NXPE2: variants seen among roughly 807,000 people sequenced by gnomAD.
The protein encoded by NXPE2 is NXPE family member 2.
In NXPE2, 34 loss-of-function variants were observed where a neutral mutation model predicts 34.4. The observed-to-expected ratio is 0.99, with a 90% CI of 0.75 to 1.31. The LOEUF (loss-of-function observed/expected upper bound fraction) is 1.31. NXPE2 is among the 40% of genes most tolerant of loss of function. The probability of loss-of-function intolerance (pLI) is 0.00; values close to 1 mark genes in which losing one functional copy is unlikely to be tolerated. For missense variants in NXPE2, 649 were observed against 672.5 expected, an observed-to-expected ratio of 0.97 and a Z score of 0.39; for synonymous variants, 235 against 231.3, an observed-to-expected ratio of 1.02 and a Z score of -0.15.
the NXPE2 span, among the ~76,000 whole-genome samples, chr11:114,507,807 G>A: frequency 1.3e-5 from 2 of 151,668 alleles, no homozygotes; most frequent in Non-Finnish European, 2.9e-5. Context: ...GCAAAAGCTG[G>A]AAGCATTCCC....
At chr11:114,561,085 CT>C in the NXPE2 span, among the ~76,000 whole-genome samples, 3 of 152,138 alleles carry the variant, frequency 2.0e-5, no homozygotes, top group Admixed American at 1.3e-4. Flanking sequence ...ATAAATCTAA[CT>C]TCATCTCTCT....
chr11:114,756,475 A>G, the NXPE2 span, among the ~76,000 whole-genome samples: 2 of 152,182 alleles, frequency 1.3e-5, no homozygotes, highest in Non-Finnish European at 2.9e-5. Flanking sequence ...ATCATACTTA[A>G]TTTTGACATC....
chr11:114,650,669 A>G, the NXPE2 span, among the ~76,000 whole-genome samples: 2 of 152,174 alleles, frequency 1.3e-5, no homozygotes. Flanking sequence ...ATATATGCTG[A>G]TATCAAGCAG....
At chr11:114,659,123 C>A in the NXPE2 span, among the ~76,000 whole-genome samples, 2 of 152,192 alleles carry the variant, frequency 1.3e-5, no homozygotes, top group Non-Finnish European at 2.9e-5. Flanking sequence ...CTCCTCCCTA[C>A]CTCATGGCTC....
the NXPE2 span, among the ~76,000 whole-genome samples, chr11:114,639,729 T>C: frequency 8.1e-6 from 1 of 123,494 alleles, no homozygotes; most frequent in Non-Finnish European, 1.6e-5. Flanking sequence ...TATAGTAATA[T>C]AATATAAAAT....
the NXPE2 span, chr11:114,527,794 A>G: frequency 7.2e-7 from 1 of 1,394,562 alleles, no homozygotes; most frequent in Non-Finnish European, 9.9e-7. Flanking sequence ...AATGCTGATA[A>G]AAGTTTCCTC....
At chr11:114,666,087 T>C in the NXPE2 span, among the ~76,000 whole-genome samples, 1 of 152,094 alleles carries the variant, frequency 6.6e-6, no homozygotes, top group Admixed American at 6.6e-5. Flanking sequence ...TAGTGCACAT[T>C]TTCCCAGACT....
At chr11:114,701,583 T>C (rs916767552) in intron 3 of NXPE2, among the ~76,000 whole-genome samples, 8 of 152,170 alleles carry the variant, frequency 5.3e-5, no homozygotes, top group South Asian at 2.1e-4. Context: ...TCCCTACAGG[T>C]GATGTAGTGC....
the NXPE2 span, among the ~76,000 whole-genome samples, chr11:114,803,419 A>T: frequency 6.6e-6 from 1 of 152,232 alleles, no homozygotes; most frequent in Non-Finnish European, 1.5e-5. Flanking sequence ...TGGGTAACTT[A>T]TAAACAGCAG....
the NXPE2 span, chr11:114,584,197 G>A: frequency 2.8e-6 from 1 of 358,658 alleles, no homozygotes; most frequent in African/African-American, 2.2e-5. Context: ...CTGGAAATAA[G>A]AAAGAGCTGT....
chr11:114,516,041 CAAG>C, the NXPE2 span, among the ~76,000 whole-genome samples: 1 of 152,154 alleles, frequency 6.6e-6, no homozygotes, highest in East Asian at 1.9e-4. Context: ...GGCAATTAAG[CAAG>C]AAGATGTTAA....
At chr11:114,478,133 C>A in the NXPE2 span, among the ~76,000 whole-genome samples, 198 of 151,520 alleles carry the variant, frequency 1.3e-3, no homozygotes, top group Non-Finnish European at 2.1e-3. Context: ...CATATTTCAT[C>A]CTAGATTCAC....
chr11:114,560,265 T>C, the NXPE2 span, among the ~76,000 whole-genome samples: 4 of 130,496 alleles, frequency 3.1e-5, no homozygotes, highest in South Asian at 9.3e-4. Flanking sequence ...TGAGAATTCT[T>C]TTTTTTTCTT....
the NXPE2 span, chr11:114,522,419 C>T: frequency 6.2e-7 from 1 of 1,613,924 alleles, no homozygotes; most frequent in South Asian, 1.1e-5. Flanking sequence ...ATGTTTTTTC[C>T]ATTGAATCTG....
the NXPE2 span, among the ~76,000 whole-genome samples, chr11:114,588,243 C>T: frequency 6.6e-6 from 1 of 152,270 alleles, no homozygotes; most frequent in East Asian, 1.9e-4. Context: ...CTCCAAAACT[C>T]CCCACTCCCC....
chr11:114,676,280 C>T (rs1232781419), upstream of NXPE2, among the ~76,000 whole-genome samples: 2 of 151,836 alleles, frequency 1.3e-5, no homozygotes, highest in Non-Finnish European at 2.9e-5. Flanking sequence ...TTAAAAGCTT[C>T]TGTACTGCAA....
chr11:114,502,849 G>C, the NXPE2 span, among the ~76,000 whole-genome samples: 1 of 152,150 alleles, frequency 6.6e-6, no homozygotes, highest in African/African-American at 2.4e-5. Context: ...GAAAGAGTTT[G>C]ATTTGTTTCT....
At chr11:114,508,179 C>T in the NXPE2 span, among the ~76,000 whole-genome samples, 1 of 152,030 alleles carries the variant, frequency 6.6e-6, no homozygotes, top group African/African-American at 2.4e-5. Flanking sequence ...TACGAATACA[C>T]CTAACTAGGG....
the NXPE2 span, among the ~76,000 whole-genome samples, chr11:114,491,866 G>A: frequency 6.6e-6 from 1 of 152,130 alleles, no homozygotes; most frequent in Non-Finnish European, 1.5e-5. Flanking sequence ...GTAGGGACAT[G>A]GATGAAGCTG....
Sources: gnomAD v4.1 joint callset for allele counts (sites outside exome capture counted in the v4.1 genomes callset) on GRCh38, gnomAD v4.1.1 for gene constraint, MANE v1.5 for transcripts, NCBI Gene and HGNC (gene_info 2026-07-23, HGNC 2026-07-21) for gene names.